Variants in PPARGC1A observed in about 807,000 individuals in gnomAD.
The protein encoded by PPARGC1A is PPARG coactivator 1 alpha.
Under a neutral mutation model 88.7 loss-of-function variants are expected in PPARGC1A, and 25 were observed. The observed-to-expected ratio is 0.28, with a 90% CI of 0.21 to 0.39. The LOEUF is 0.39. Ranked by LOEUF, PPARGC1A falls within the 10% of genes least tolerant of loss-of-function variation. The pLI is 1.00. For synonymous variants in PPARGC1A, 363 were observed against 355.6 expected (o/e 1.02, Z -0.24); for missense variants, 880 against 968.7 (o/e 0.91, Z 1.22).
At chr4:24,187,471 G>T in the PPARGC1A span, among the ~76,000 whole-genome samples, 1 of 152,176 alleles carries the variant, frequency 6.6e-6, no homozygotes, top group Non-Finnish European at 1.5e-5. Flanking sequence ...TGGGTTTGGA[G>T]TTCAGGAGCC....
the PPARGC1A span, among the ~76,000 whole-genome samples, chr4:24,022,267 C>CT: frequency 6.6e-6 from 1 of 152,018 alleles, no homozygotes; most frequent in African/African-American, 2.4e-5. Context: ...TCCTTTGTTG[C>CT]TTTTTTTGTC....
the PPARGC1A span, among the ~76,000 whole-genome samples, chr4:24,150,470 A>C: frequency 6.6e-6 from 1 of 152,170 alleles, no homozygotes; most frequent in African/African-American, 2.4e-5. Flanking sequence ...AAACTCATCA[A>C]CATAGATTAA....
At chr4:24,030,039 T>A in the PPARGC1A span, among the ~76,000 whole-genome samples, 3 of 152,106 alleles carry the variant, frequency 2.0e-5, no homozygotes, top group Non-Finnish European at 4.4e-5. Context: ...CCTTTACAAG[T>A]GAAGTGAAAT....
At chr4:24,030,295 C>T in the PPARGC1A span, among the ~76,000 whole-genome samples, 2 of 152,300 alleles carry the variant, frequency 1.3e-5, no homozygotes, top group Non-Finnish European at 2.9e-5. Context: ...CTGAAAACTC[C>T]ATCCCCACTC....
the PPARGC1A span, among the ~76,000 whole-genome samples, chr4:24,128,531 AGTGTGTGT>A: frequency 0.13 from 18,285 of 138,158 alleles, 1,184 homozygotes; most frequent in African/African-American, 0.16. Flanking sequence ...AGCCTGTCAC[AGTGTGTGT>A]GTGTGTGTGT....
the PPARGC1A span, among the ~76,000 whole-genome samples, chr4:24,280,195 G>A: frequency 5.3e-5 from 8 of 152,144 alleles, no homozygotes; most frequent in Admixed American, 2.6e-4. Flanking sequence ...CACATAATAC[G>A]GAGAACTCAC....
chr4:24,420,743 C>G, the PPARGC1A span, among the ~76,000 whole-genome samples: 1 of 152,172 alleles, frequency 6.6e-6, no homozygotes, highest in African/African-American at 2.4e-5. Flanking sequence ...CCAACCGATT[C>G]TTGCTGTTGA....
At chr4:24,159,854 TCAAAGGCAG>T in the PPARGC1A span, among the ~76,000 whole-genome samples, 21 of 152,106 alleles carry the variant, frequency 1.4e-4, no homozygotes, top group African/African-American at 2.4e-5. Flanking sequence ...TGAGCCCCTA[TCAAAGGCAG>T]CAAATTAGCT....
chr4:23,884,888 A>T lies in PPARGC1A; in HGVS notation c.98T>A (p.Leu33His). 2.5e-6 allele frequency: 4 copies of T among 1,613,868 alleles called. No individual in the cohort carries two copies. Among genetic ancestry groups the T allele is most frequent in the Non-Finnish European group, 3.4e-6 (4 of 1,179,840 alleles). ...TAGTTCAGAAAGATCAAGTTCAGGA[A>T]GATCTGGGCAAAGAGGCTGGTCTTC... is the stretch of plus-strand genomic sequence containing the variant. ...VGEDQPLCPD[L>H]PELDLSELDV... Residue 33 changes from leucine (L) to histidine (H), a missense_variant, in exon 2 of 13, where the codon CTT becomes CAT. Coordinates refer to ENST00000264867, the MANE Select transcript of PPARGC1A (RefSeq NM_013261.5).
the PPARGC1A span, among the ~76,000 whole-genome samples, chr4:24,281,102 G>T: frequency 4.6e-5 from 7 of 152,176 alleles, no homozygotes; most frequent in African/African-American, 1.4e-4. Context: ...GGAGGTATAG[G>T]CTTGACATGT....
the PPARGC1A span, among the ~76,000 whole-genome samples, chr4:24,307,523 C>T: frequency 6.6e-6 from 1 of 152,026 alleles, no homozygotes; most frequent in Admixed American, 6.6e-5. Context: ...ACTCTATTAC[C>T]CTTCCTTGGC....
At chr4:24,194,952 G>A in the PPARGC1A span, among the ~76,000 whole-genome samples, 3 of 152,166 alleles carry the variant, frequency 2.0e-5, no homozygotes, top group African/African-American at 7.2e-5. Context: ...GGTTTGCCCA[G>A]TATAAATCCT....
chr4:23,977,633 T>C, the PPARGC1A span, among the ~76,000 whole-genome samples: 2 of 152,120 alleles, frequency 1.3e-5, no homozygotes, highest in Non-Finnish European at 2.9e-5. Context: ...CGGCACACGT[T>C]TACCTATGGA....
At chr4:24,405,037 A>T in the PPARGC1A span, among the ~76,000 whole-genome samples, 18 of 152,212 alleles carry the variant, frequency 1.2e-4, no homozygotes, top group African/African-American at 4.3e-4. Context: ...GGACTTAATG[A>T]TGCCTGCCTA....
At position 23,877,225 on chromosome 4, in the gene PPARGC1A, G is replaced by T. The variant is rs998024733; in HGVS notation, c.234+7527C>A. Among the ~76,000 whole-genome samples the T allele has an allele frequency of 8.2e-4, 124 of 151,990 alleles. 1 individual carries two copies. The highest frequency in any genetic ancestry group is 2.9e-3 in the African/African-American group (121 of 41,466). On this transcript the variant is annotated intron_variant, in intron 2 of 12. Coordinates refer to ENST00000264867, the MANE Select transcript of PPARGC1A (RefSeq NM_013261.5). ...TACCTCTGAGCGCACAGTCTTAAAAGTTAAAAGGAGGCCGGGTGCAGTGGC... is the reference window on the plus strand; with the variant it reads ...TACCTCTGAGCGCACAGTCTTAAAATTTAAAAGGAGGCCGGGTGCAGTGGC...
In PPARGC1A at chr4:23,884,742, A is replaced by T. The variant is rs775770458; in HGVS notation, c.234+10T>A. On this transcript the variant is annotated intron_variant, in intron 2 of 12. Transcript: ENST00000264867. ...AATGAAAAATTAATGTTTCCAAAGG[A>T]TGTCCTTACCTCAAATATGTTTGAA... 3.7e-6 allele frequency: 6 copies of T among 1,603,412 alleles called. No individual in the cohort carries two copies. The highest frequency in any genetic ancestry group is 5.1e-6 in the Non-Finnish European group (6 of 1,173,010).
chr4:24,383,895 G>T, the PPARGC1A span, among the ~76,000 whole-genome samples: 1 of 152,048 alleles, frequency 6.6e-6, no homozygotes, highest in Non-Finnish European at 1.5e-5. Flanking sequence ...GATACTTCTC[G>T]AGAAGAGCAA....
chr4:24,413,497 A>C, the PPARGC1A span, among the ~76,000 whole-genome samples: 1 of 152,204 alleles, frequency 6.6e-6, no homozygotes, highest in Non-Finnish European at 1.5e-5. Flanking sequence ...AGGTTATTTC[A>C]ATGCACAAAT....
At chr4:24,151,795 C>T in the PPARGC1A span, among the ~76,000 whole-genome samples, 1 of 152,148 alleles carries the variant, frequency 6.6e-6, no homozygotes, top group Non-Finnish European at 1.5e-5. Context: ...GTCACAATCT[C>T]AACTTAACAC....
Sources: allele counts gnomAD v4.1 joint callset (sites outside exome capture counted in the v4.1 genomes callset), GRCh38; gene constraint gnomAD v4.1.1; transcripts MANE v1.5; gene names NCBI Gene and HGNC (gene_info 2026-07-23, HGNC 2026-07-21).